The following FAM133A variants were observed in gnomAD, a reference collection of about 807,000 sequenced individuals.
FAM133A encodes protein FAM133A.
For missense variants in FAM133A, 159 were observed against 164.4 expected (o/e 0.97, Z 0.18); for synonymous variants, 65 against 58.6 (o/e 1.11, Z -0.50).
In FAM133A at chrX:93,705,825, T is replaced by G. The variant is rs182452295; in HGVS notation, c.-103-3492T>G. Among the ~76,000 whole-genome samples, 329 of 111,520 alleles carry G rather than the reference T, an allele frequency of 3.0e-3. 2 individuals are homozygous for G. The highest frequency in any genetic ancestry group is 0.028 in the Middle Eastern group (6 of 216). ...CTCTTACCTAGGTTTTTAAAACATG[T>G]TTTCTTTGTACTTTATCCTTCTAGA... On this transcript the variant is annotated intron_variant, in intron 3 of 3. Coordinates refer to ENST00000683942, the MANE Select transcript of FAM133A (RefSeq NM_001171109.2).
At chrX:93,688,376 G>A (rs771380411) in intron 2 of FAM133A, among the ~76,000 whole-genome samples, 1 of 110,583 alleles carries the variant, frequency 9.0e-6, no homozygotes, top group South Asian at 3.8e-4. Context: ...ACTGGTCCCC[G>A]AATCACTGAT....
intron 2 of FAM133A, among the ~76,000 whole-genome samples, chrX:93,696,919 C>T (rs1306533216): frequency 1.4e-5 from 1 of 69,538 alleles, no homozygotes; most frequent in African/African-American, 4.4e-5. Flanking sequence ...GACTCCGTCT[C>T]AAAAAGAAAA....
At position 93,682,712 on chromosome X, in the gene FAM133A, T is replaced by A. The variant is rs192868273; in HGVS notation, c.-193+7960T>A. On this transcript the variant is annotated intron_variant, in intron 2 of 3. Transcript: ENST00000683942. ...CTCACTGCAACCTCCATCTCCCGGG[T>A]TCAAGCCATTCTCCTGCCTCAGCCT... Among the ~76,000 whole-genome samples, 613 of 110,357 alleles carry A rather than the reference T, an allele frequency of 5.6e-3. 3 individuals carry two copies. The highest frequency in any genetic ancestry group is 9.7e-3 in the Admixed American group (100 of 10,296).
At chrX:93,690,253 T>A (rs2059473994) in intron 2 of FAM133A, among the ~76,000 whole-genome samples, 1 of 111,525 alleles carries the variant, frequency 9.0e-6, no homozygotes, top group African/African-American at 3.3e-5. Context: ...TACCATAAAT[T>A]TCACTCATTA....
chrX:93,708,512 G>C (rs974607914), intron 3 of FAM133A, among the ~76,000 whole-genome samples: 1 of 111,739 alleles, frequency 8.9e-6, no homozygotes, highest in Non-Finnish European at 1.9e-5. Flanking sequence ...GAATCAGGCT[G>C]CCTTTGTTTA....
At chrX:93,690,712 G>T (rs1273348643) in intron 2 of FAM133A, among the ~76,000 whole-genome samples, 1 of 111,742 alleles carries the variant, frequency 8.9e-6, no homozygotes, top group Non-Finnish European at 1.9e-5. Flanking sequence ...GTAGACAAAT[G>T]TTTTTGTTTC....
At chrX:93,702,837 T>TAAAA (rs33985910) in intron 3 of FAM133A, among the ~76,000 whole-genome samples, 153 of 43,030 alleles carry the variant, frequency 3.6e-3, no homozygotes, top group East Asian at 5.8e-3. Flanking sequence ...ATAGCTATGA[T>TAAAA]AAAAAAAAAA....
intron 3 of FAM133A, among the ~76,000 whole-genome samples, chrX:93,705,515 C>T (rs889268880): frequency 9.0e-6 from 1 of 111,653 alleles, no homozygotes; most frequent in African/African-American, 3.2e-5. Context: ...ACACCCTCTC[C>T]CATTCTCTGT....
chrX:93,708,713 CACTT>C (rs1201563185), intron 3 of FAM133A, among the ~76,000 whole-genome samples: 1 of 112,100 alleles, frequency 8.9e-6, no homozygotes, highest in East Asian at 2.8e-4. Flanking sequence ...AGAGAATAAA[CACTT>C]ACTAGGTACT....
chrX:93,684,758 A>G (rs1925399227), intron 2 of FAM133A, among the ~76,000 whole-genome samples: 1 of 108,573 alleles, frequency 9.2e-6, no homozygotes, highest in Non-Finnish European at 1.9e-5. Context: ...AGCATATATT[A>G]TTTTTATAAT....
In FAM133A at chrX:93,710,082, A is replaced by G. The variant is rs751570752; in HGVS notation, c.663A>G (p.Lys221=). 1.7e-6 allele frequency: 2 copies of G among 1,200,631 alleles called. No individual in the cohort carries two copies. The highest frequency in any genetic ancestry group is 1.1e-6 in the Non-Finnish European group (1 of 889,208). The change falls in exon 4 of 4, where the codon AAA becomes AAG. Residue 221 remains lysine, a synonymous_variant. Transcript: ENST00000683942. ...RCEEREQAKE[K]VKKKKKKQHK... ...AAGAGCGAGAACAAGCAAAGGAAAA[A>G]GTAAAGAAGAAGAAGAAGAAACAGC...
At chrX:93,691,232 T>C (rs999305585) in intron 2 of FAM133A, among the ~76,000 whole-genome samples, 1 of 111,454 alleles carries the variant, frequency 9.0e-6, no homozygotes, top group African/African-American at 3.2e-5. Flanking sequence ...CTCATCAAAA[T>C]ATTCTCCTAT....
In FAM133A at chrX:93,710,181, G is replaced by A; in HGVS notation, c.*15G>A. The A allele has an allele frequency of 8.7e-7, 1 of 1,146,851 alleles. No homozygotes were observed. The highest frequency in any genetic ancestry group is 1.1e-6 in the Non-Finnish European group (1 of 870,653). The allele number at this position is 1,146,851 out of a possible 1,213,427, so 94.5% of individuals were successfully genotyped here. ...AGTCAAGGTAACATCAAGAAAAAAA[G>A]CAAGAATGAGTTTGCCGAGTTCCCC... On this transcript the variant is annotated 3_prime_UTR_variant, in exon 4 of 4. Transcript: ENST00000683942.
At chrX:93,708,011 G>A (rs1927148866) in intron 3 of FAM133A, among the ~76,000 whole-genome samples, 1 of 111,663 alleles carries the variant, frequency 9.0e-6, no homozygotes, top group Non-Finnish European at 1.9e-5. Context: ...TAAAATAAAC[G>A]ATGAACTATC....
At chrX:93,701,587 TC>T (rs1473558551) in intron 3 of FAM133A, among the ~76,000 whole-genome samples, 1 of 111,989 alleles carries the variant, frequency 8.9e-6, no homozygotes, top group Non-Finnish European at 1.9e-5. Flanking sequence ...TCATATGTAG[TC>T]ATGTCCCACT....
At chrX:93,695,455 G>C (rs769069184) in intron 2 of FAM133A, among the ~76,000 whole-genome samples, 108 of 107,093 alleles carry the variant, frequency 1.0e-3, no homozygotes, top group African/African-American at 3.5e-3. Context: ...GTTTCACCAC[G>C]TTGGCCAGGC....
chrX:93,686,540 A>G (rs947698827), intron 2 of FAM133A, among the ~76,000 whole-genome samples: 2 of 112,203 alleles, frequency 1.8e-5, no homozygotes. Flanking sequence ...ATGGGAGGCT[A>G]GTGAGTCGGG....
chrX:93,688,149 T>C (rs1925658970), intron 2 of FAM133A, among the ~76,000 whole-genome samples: 1 of 100,223 alleles, frequency 1.0e-5, no homozygotes, highest in African/African-American at 3.6e-5. Flanking sequence ...TTTTTCTTTC[T>C]TTTTTTTTTT....
chrX:93,695,732 C>T (rs1348324232), intron 2 of FAM133A, among the ~76,000 whole-genome samples: 2 of 102,179 alleles, frequency 2.0e-5, no homozygotes, highest in African/African-American at 7.2e-5. Context: ...AGCTCCGCCT[C>T]CCGGGTTCAT....
Sources: allele counts gnomAD v4.1 joint callset (sites outside exome capture counted in the v4.1 genomes callset), GRCh38; gene constraint gnomAD v4.1.1; transcripts MANE v1.5; gene names NCBI Gene and HGNC (gene_info 2026-07-23, HGNC 2026-07-21).